The following AGBL1 variants were observed in gnomAD, a reference collection of about 807,000 sequenced individuals.
The protein encoded by AGBL1 is AGBL carboxypeptidase 1.
AGBL1 carries 130 observed loss-of-function variants against 118.9 expected under a neutral mutation model. The ratio of observed to expected loss-of-function variants is 1.09; its 90% CI spans 0.95 to 1.26. The LOEUF is 1.26. Ranked by LOEUF, AGBL1 falls within the 50% of genes most tolerant of loss-of-function variation. The pLI is 0.00. For synonymous variants in AGBL1, 555 were observed against 478.9 expected (o/e 1.16, Z -2.08); for missense variants, 1,584 against 1,298.1 (o/e 1.22, Z -3.38).
At chr15:86,156,311 G>A (rs1174121063) in intron 4 of AGBL1, among the ~76,000 whole-genome samples, 6 of 152,118 alleles carry the variant, frequency 3.9e-5, no homozygotes, top group Admixed American at 3.9e-4. Flanking sequence ...CCAGATGGCT[G>A]GCTGCTCCCT....
intron 22 of AGBL1, among the ~76,000 whole-genome samples, chr15:86,701,744 T>C: frequency 7.3e-6 from 1 of 137,668 alleles, no homozygotes; most frequent in African/African-American, 2.7e-5. Context: ...CCTCTCTCCT[T>C]CCTTTCACTC....
intron 4 of AGBL1, 43 bp from the exon 5 acceptor site, chr15:86,158,890 C>T (rs375766500): frequency 2.6e-6 from 4 of 1,561,948 alleles, no homozygotes; most frequent in African/African-American, 2.7e-5. Context: ...AGCCTTAACT[C>T]ATCCACTTGT....
chr15:86,286,612 G>T (rs774317897), intron 16 of AGBL1, among the ~76,000 whole-genome samples: 23 of 150,812 alleles, frequency 1.5e-4, no homozygotes, highest in Non-Finnish European at 2.7e-4. Context: ...TGTCCTTCAG[G>T]GTCATCCATG....
At chr15:86,228,496 A>G (rs972033422) in intron 6 of AGBL1, among the ~76,000 whole-genome samples, 2 of 152,196 alleles carry the variant, frequency 1.3e-5, no homozygotes, top group Non-Finnish European at 2.9e-5. Flanking sequence ...ACTACTCTGC[A>G]GGGAGAGGGG....
chr15:86,265,505 T>C (rs541497330), intron 11 of AGBL1, among the ~76,000 whole-genome samples: 67 of 152,098 alleles, frequency 4.4e-4, no homozygotes, highest in African/African-American at 1.6e-3. Flanking sequence ...GAAAAAAAAC[T>C]GTATGCACAT....
At chr15:86,444,252 C>G (rs2082096554) in intron 18 of AGBL1, among the ~76,000 whole-genome samples, 1 of 152,204 alleles carries the variant, frequency 6.6e-6, no homozygotes, top group Admixed American at 6.5e-5. Flanking sequence ...CACAATCTCA[C>G]TGGCTTTATT....
At chr15:86,832,889 G>C (rs2079124723) in intron 22 of AGBL1, among the ~76,000 whole-genome samples, 1 of 152,166 alleles carries the variant, frequency 6.6e-6, no homozygotes, top group Admixed American at 6.5e-5. Context: ...TGCTAATAAA[G>C]ACATACCATA....
intron 17 of AGBL1, among the ~76,000 whole-genome samples, chr15:86,380,611 C>A (rs2081101636): frequency 6.9e-6 from 1 of 145,188 alleles, no homozygotes; most frequent in African/African-American, 2.6e-5. Context: ...CCGTCTGTGT[C>A]ATTCTCTCTG....
At chr15:86,198,575 C>G (rs1318063464) in intron 5 of AGBL1, among the ~76,000 whole-genome samples, 1 of 152,022 alleles carries the variant, frequency 6.6e-6, no homozygotes, top group Admixed American at 6.6e-5. Flanking sequence ...GAGACAGAGT[C>G]TTTAGGAGGT....
intron 23 of AGBL1, among the ~76,000 whole-genome samples, chr15:86,948,634 G>A (rs1263869945): frequency 2.0e-5 from 3 of 152,218 alleles, no homozygotes; most frequent in Non-Finnish European, 4.4e-5. Context: ...CGTGTGATGA[G>A]TATGTCTTCC....
intron 24 of AGBL1, among the ~76,000 whole-genome samples, chr15:87,015,565 A>G (rs533965662): frequency 6.6e-6 from 1 of 152,178 alleles, no homozygotes; most frequent in Admixed American, 6.5e-5. Context: ...CTTCTGTGCT[A>G]GGAGTTATAT....
At chr15:86,478,620 A>G (rs1036350068) in intron 18 of AGBL1, among the ~76,000 whole-genome samples, 22 of 152,158 alleles carry the variant, frequency 1.4e-4, no homozygotes, top group African/African-American at 5.3e-4. Flanking sequence ...ATGCTCATGG[A>G]TAGGAAGAAT....
At chr15:86,648,884 T>C (rs1428183588) in intron 21 of AGBL1, among the ~76,000 whole-genome samples, 1 of 152,172 alleles carries the variant, frequency 6.6e-6, no homozygotes, top group Non-Finnish European at 1.5e-5. Flanking sequence ...ATTGATGACT[T>C]TGGCATGAGA....
At chr15:86,245,845 C>T (rs1419305048) in intron 6 of AGBL1, among the ~76,000 whole-genome samples, 3 of 152,194 alleles carry the variant, frequency 2.0e-5, no homozygotes, top group Non-Finnish European at 2.9e-5. Flanking sequence ...ACATCCTTAA[C>T]TGTGAGGAAT....
chr15:86,838,432 C>T (rs760107442), intron 22 of AGBL1, among the ~76,000 whole-genome samples: 1 of 152,034 alleles, frequency 6.6e-6, no homozygotes, highest in Non-Finnish European at 1.5e-5. Flanking sequence ...ATTTTTTCAA[C>T]CATTTCGTAT....
chr15:86,634,522 A>G (rs1401455137), intron 21 of AGBL1, among the ~76,000 whole-genome samples: 1 of 152,184 alleles, frequency 6.6e-6, no homozygotes, highest in Non-Finnish European at 1.5e-5. Context: ...ATATAGAGAG[A>G]AAGTGGATTA....
intron 17 of AGBL1, among the ~76,000 whole-genome samples, chr15:86,305,808 A>C (rs2079831081): frequency 6.6e-6 from 1 of 152,128 alleles, no homozygotes; most frequent in Non-Finnish European, 1.5e-5. Context: ...GGCCTTCTTG[A>C]CAATTGAAGT....
chr15:86,317,803 T>A (rs1415812088), intron 17 of AGBL1, among the ~76,000 whole-genome samples: 1 of 152,196 alleles, frequency 6.6e-6, no homozygotes, highest in Non-Finnish European at 1.5e-5. Flanking sequence ...TGGGTATAGT[T>A]GTGTTCCAAT....
At chr15:86,655,561 G>A (rs569311942) in intron 21 of AGBL1, among the ~76,000 whole-genome samples, 9 of 151,992 alleles carry the variant, frequency 5.9e-5, no homozygotes, top group South Asian at 2.1e-4. Context: ...TATATTATGC[G>A]TAATTCTGTG....
Sources: allele counts gnomAD v4.1 joint callset (sites outside exome capture counted in the v4.1 genomes callset), GRCh38; gene constraint gnomAD v4.1.1; transcripts MANE v1.5; gene names NCBI Gene and HGNC (gene_info 2026-07-23, HGNC 2026-07-21).